SNX9: variants seen among roughly 807,000 people sequenced by gnomAD.
The protein encoded by SNX9 is sorting nexin 9, also known as sorting nexin-9.
SNX9 carries 44 observed loss-of-function variants against 89.4 expected under a neutral mutation model. The ratio of observed to expected loss-of-function variants is 0.49; its 90% confidence interval spans 0.39 to 0.63. The LOEUF (loss-of-function observed/expected upper bound fraction) is 0.63, where lower values mean the gene tolerates loss of function less well. Ranked by LOEUF, SNX9 falls within the 30% of genes least tolerant of loss-of-function variation. The probability of loss-of-function intolerance (pLI) is 0.00; values close to 1 mark genes in which losing one functional copy is unlikely to be tolerated. For missense variants in SNX9, 578 were observed against 736.1 expected (o/e 0.79, Z 2.49); for synonymous variants, 236 against 247.8 (o/e 0.95, Z 0.45).
chr6:157,904,322 T>G (rs1428505770), intron 6 of SNX9, among the ~76,000 whole-genome samples: 1 of 151,962 alleles, frequency 6.6e-6, no homozygotes, highest in East Asian at 1.9e-4. Flanking sequence ...TAATCCTAGC[T>G]ACTTGGAAGG....
intron 16 of SNX9, 67 bp from the exon 17 acceptor site, chr6:157,940,816 G>A: frequency 7.1e-7 from 1 of 1,400,218 alleles, no homozygotes. Flanking sequence ...TAACTGAGCA[G>A]AGAAACCAGG....
intron 1 of SNX9, among the ~76,000 whole-genome samples, chr6:157,850,226 CG>C (rs888851138): frequency 7.7e-4 from 117 of 152,170 alleles, no homozygotes; most frequent in Admixed American, 6.3e-3. Context: ...AGAAAGCTGC[CG>C]GTATCCTTGG....
intron 9 of SNX9, among the ~76,000 whole-genome samples, chr6:157,920,589 A>G (rs942247044): frequency 6.6e-6 from 1 of 152,174 alleles, no homozygotes; most frequent in Non-Finnish European, 1.5e-5. Context: ...TCAGTTCTTC[A>G]AGCATAAACA....
At chr6:157,871,743 T>C (rs996521685) in intron 2 of SNX9, among the ~76,000 whole-genome samples, 19 of 151,078 alleles carry the variant, frequency 1.3e-4, no homozygotes, top group Non-Finnish European at 2.7e-4. Flanking sequence ...GTTTTAATCA[T>C]AGCAGAGATT....
rs759241612 is a variant in SNX9, at chr6:157,937,424, C to G, written c.1444-10C>G. The G allele has an allele frequency of 6.3e-6, 10 of 1,596,606 alleles. No individual in the cohort carries two copies. The East Asian group carries it at 8.9e-5, about 14-fold the overall frequency. On this transcript the variant is annotated splice_polypyrimidine_tract_variant and intron_variant, in intron 14 of 17. Coordinates refer to ENST00000392185, the MANE Select transcript of SNX9 (RefSeq NM_016224.5). ...TCTGCCAGTAACAATCAGCTTGTAT[C>G]TTGTTATAGCCAAAGAAAGATCTCC...
intron 4 of SNX9, among the ~76,000 whole-genome samples, chr6:157,893,225 C>T (rs1188693725): frequency 6.6e-6 from 1 of 152,204 alleles, no homozygotes. Flanking sequence ...TCATTTCCAG[C>T]GTCCACTGGG....
Position 157,874,922 on chromosome 6 carries a change from G to A in SNX9, c.175-129G>A, listed in dbSNP as rs150243111. The A allele has an allele frequency of 5.2e-4, 515 of 985,828 alleles. 2 individuals carry two copies. The African/African-American group carries it at 7.5e-3, about 14-fold the overall frequency. The allele number at this position is 985,828 out of a possible 1,614,324, so 61.1% of individuals were successfully genotyped here. On this transcript the variant is annotated intron_variant, in intron 3 of 17. Coordinates refer to ENST00000392185, the MANE Select transcript of SNX9 (RefSeq NM_016224.5). The stretch of plus-strand genomic sequence containing the variant: ...ATTAAAATATGAGTATGCGGCAAAA[G>A]CAGTGCTTACAGAGAAATTTGTAGC...
intron 1 of SNX9, among the ~76,000 whole-genome samples, chr6:157,826,908 A>T (rs866292387): frequency 5.5e-5 from 4 of 72,110 alleles, no homozygotes; most frequent in Admixed American, 1.8e-4. Flanking sequence ...AGTTTATATA[A>T]TATATAAAAT....
At chr6:157,856,244 C>T (rs1782009078) in intron 1 of SNX9, among the ~76,000 whole-genome samples, 1 of 152,238 alleles carries the variant, frequency 6.6e-6, no homozygotes, top group East Asian at 1.9e-4. Context: ...TTTAAAAAGA[C>T]ATTTTATTGT....
chr6:157,851,632 C>T (rs1367650348), intron 1 of SNX9, among the ~76,000 whole-genome samples: 1 of 152,196 alleles, frequency 6.6e-6, no homozygotes, highest in East Asian at 1.9e-4. Flanking sequence ...CTCTGTCACC[C>T]AGGCTGGAGT....
At chr6:157,846,402 T>C (rs1223288264) in intron 1 of SNX9, among the ~76,000 whole-genome samples, 2 of 152,254 alleles carry the variant, frequency 1.3e-5, no homozygotes, top group African/African-American at 2.4e-5. Context: ...GAGGAACTGC[T>C]GATAAAAATA....
intron 1 of SNX9, among the ~76,000 whole-genome samples, chr6:157,857,352 C>T (rs969748474): frequency 6.6e-6 from 1 of 151,952 alleles, no homozygotes; most frequent in African/African-American, 2.4e-5. Flanking sequence ...TGTTTTTTCC[C>T]ACTGAAACCT....
At chr6:157,824,773 G>T (rs1389591511) in intron 1 of SNX9, among the ~76,000 whole-genome samples, 1 of 152,122 alleles carries the variant, frequency 6.6e-6, no homozygotes, top group African/African-American at 2.4e-5. Flanking sequence ...CTGTGCTTTG[G>T]TTTTATTAAT....
At chr6:157,847,771 C>T (rs1038773939) in intron 1 of SNX9, among the ~76,000 whole-genome samples, 3 of 152,222 alleles carry the variant, frequency 2.0e-5, no homozygotes, top group Non-Finnish European at 4.4e-5. Flanking sequence ...TTTTACTTGT[C>T]GGTTGTGTAA....
intron 1 of SNX9, among the ~76,000 whole-genome samples, chr6:157,836,350 T>C (rs1781583506): frequency 6.6e-6 from 1 of 152,206 alleles, no homozygotes. Context: ...AACTCCCCTC[T>C]TCTCTGATTC....
chr6:157,913,336 C>T (rs1042177805), intron 9 of SNX9, among the ~76,000 whole-genome samples: 2 of 151,330 alleles, frequency 1.3e-5, no homozygotes, highest in Non-Finnish European at 2.9e-5. Flanking sequence ...TTTTTGGAGA[C>T]GGTCTCACTC....
chr6:157,897,022 C>A, intron 5 of SNX9, 24 bp downstream of exon 5: 1 of 1,550,680 alleles, frequency 6.4e-7, no homozygotes, highest in South Asian at 1.2e-5. Context: ...TGCAAGGTCC[C>A]ACCCTGCCCG....
At chr6:157,913,604 C>T (rs902385448) in intron 9 of SNX9, among the ~76,000 whole-genome samples, 7 of 152,252 alleles carry the variant, frequency 4.6e-5, no homozygotes, top group Admixed American at 4.6e-4. Context: ...ACCACCACTA[C>T]ATTTCATGAT....
chr6:157,867,578 C>T lies in SNX9; in HGVS notation c.44C>T (p.Pro15Leu), dbSNP rs1292775577. 1 of 1,612,602 alleles carries T rather than the reference C, an allele frequency of 6.2e-7. No individual in the cohort carries two copies. Among genetic ancestry groups the T allele is most frequent in the Admixed American group, 1.7e-5 (1 of 59,982 alleles). ...GTTATGTATGATTTTGCTGCTGAAC[C>T]TGGAAATAATGAACTGACGGTTAAT... is the stretch of plus-strand genomic sequence containing the variant. Reference protein sequence around the residue: ...ARVMYDFAAEPGNNELTVNEG... With the variant: ...ARVMYDFAAELGNNELTVNEG... Residue 15 changes from proline to leucine, a missense_variant, in exon 2 of 18, where the codon CCT (proline) becomes CTT (leucine). Transcript: ENST00000392185.
Sources: allele counts gnomAD v4.1 joint callset (sites outside exome capture counted in the v4.1 genomes callset), GRCh38; gene constraint gnomAD v4.1.1; transcripts MANE v1.5; gene names NCBI Gene and HGNC (gene_info 2026-07-23, HGNC 2026-07-21).